Variants in ECE2 observed in about 807,000 individuals in gnomAD.
ECE2 encodes endothelin converting enzyme 2, also known as endothelin-converting enzyme 2.
A neutral mutation model predicts 100.6 loss-of-function variants in ECE2; 81 were observed. That is an observed-to-expected ratio of 0.81 (90% CI 0.67 to 0.97). ECE2 has a LOEUF of 0.97. Among genes scored for constraint, ECE2 ranks in the 50% least tolerant of loss-of-function variants. ECE2 has a pLI of 0.00. For synonymous variants in ECE2, 391 were observed against 391.5 expected (o/e 1.00, Z 0.02); for missense variants, 911 against 988.1 (o/e 0.92, Z 1.05).
At chr3:184,290,717 G>T (rs751904266) in intron 15 of ECE2, 50 bp downstream of exon 15, 4 of 1,612,750 alleles carry the variant, frequency 2.5e-6, no homozygotes, top group Middle Eastern at 1.7e-4. Context: ...GCCTGTGGTT[G>T]AGCTGGGAGC....
chr3:184,278,931 G>A, intron 7 of ECE2: 1 of 228,390 alleles, frequency 4.4e-6, no homozygotes, highest in Non-Finnish European at 8.7e-6. Flanking sequence ...GAGAGACTTA[G>A]GGAGCCAGCA....
chr3:184,287,658 A>G (rs1009216960), intron 10 of ECE2, among the ~76,000 whole-genome samples, 179 bp from the exon 11 acceptor site: 1 of 152,012 alleles, frequency 6.6e-6, no homozygotes, highest in Non-Finnish European at 1.5e-5. Flanking sequence ...TTGCACCACT[A>G]TACTCCAGCC....
intron 7 of ECE2, 94 bp from the exon 8 acceptor site, chr3:184,283,691 A>G: frequency 7.6e-7 from 1 of 1,321,442 alleles, no homozygotes; most frequent in Non-Finnish European, 1.0e-6. Context: ...AGGATCAAGC[A>G]GAAGAGATAT....
Position 184,277,385 on chromosome 3 carries a change from C to T in ECE2, c.397C>T (p.Pro133Ser), listed in dbSNP as rs775583566. 1.3e-5 allele frequency: 21 copies of T among 1,614,122 alleles called. No individual in the cohort carries two copies. Among genetic ancestry groups the T allele is most frequent in the Admixed American group, 3.3e-5 (2 of 60,010 alleles). The change falls in exon 4 of 19, where the codon CCC (proline) becomes TCC (serine). Residue 133 changes from proline to serine, a missense_variant. Physicochemically the swap from Pro to Ser is moderately conservative, Grantham distance 74 (BLOSUM62 -1). Transcript: ENST00000404464. ...FSCGGWIRRN[P>S]LPDGRSRWNT... ...CTGTGGGGGCTGGATTCGGAGGAACCCCCTGCCCGATGGGCGTTCTCGCTG... is the reference window on the plus strand; with the variant it reads ...CTGTGGGGGCTGGATTCGGAGGAACTCCCTGCCCGATGGGCGTTCTCGCTG...
rs1023936346 is a variant in ECE2 at position 184,289,643 on chromosome 3, A to G, written c.1476A>G (p.Ala492=). ...EKTRQAAKEK[A]DAIYDMIGFP... is the part of the protein sequence containing the mutation. ...AACCCTTAACCTGGTCTCTTCAGGC[A>G]GATGCCATCTATGATATGATTGGTT... The change falls in exon 13 of 19, where the codon GCA becomes GCG. Residue 492 remains alanine, a splice_region_variant and synonymous_variant. Transcript: ENST00000404464. The surrounding 1 kb of genome is among the most constrained non-coding windows in gnomAD (Gnocchi z 4.1). 2 of 1,613,552 alleles carry G rather than the reference A, an allele frequency of 1.2e-6. No homozygotes were observed. Among genetic ancestry groups the G allele is most frequent in the African/African-American group, 2.7e-5 (2 of 74,918 alleles).
rs1721131758 is a variant in ECE2 at position 184,287,943 on chromosome 3, A to G, written c.1370A>G (p.Glu457Gly). Residue 457 changes from glutamate (E) to glycine (G), a missense_variant, in exon 11 of 19, where the codon GAA becomes GGA. Transcript: ENST00000404464. ...GCCACGTTTGACCGGCAAAGCAAAGAAATTGTGAGTCTACAAGATTCTTTC... is the reference window on the plus strand; with the variant it reads ...GCCACGTTTGACCGGCAAAGCAAAGGAATTGTGAGTCTACAAGATTCTTTC... The part of the protein sequence containing the change: ...VKATFDRQSK[E>G]IAEGMISEIR... 4 of 1,613,846 alleles carry G rather than the reference A, an allele frequency of 2.5e-6. No individual in the cohort carries two copies. The highest frequency in any genetic ancestry group is 2.5e-6 in the Non-Finnish European group (3 of 1,179,760).
Position 184,285,590 on chromosome 3 carries a change from A to G in ECE2, c.1261A>G (p.Lys421Glu). 6.2e-7 allele frequency: 1 copy of G among 1,612,090 alleles called. No homozygotes were observed. Among genetic ancestry groups the G allele is most frequent in the Middle Eastern group, 1.6e-4 (1 of 6,062 alleles). Reference sequence around the variant, plus strand: ...GCTGGAGACCCTCTATGGCACTAAGAAGGTGGGCTTTCTGATTTTGCCTCC... The same window carrying G: ...GCTGGAGACCCTCTATGGCACTAAGGAGGTGGGCTTTCTGATTTTGCCTCC... ...KLLETLYGTK[K>E]SCVPRWQTCI... The change falls in exon 10 of 19, where the codon AAG (lysine) becomes GAG (glutamate). Residue 421 changes from lysine (K) to glutamate (E), a missense_variant and splice_region_variant. Lys to Glu is a moderately conservative substitution (Grantham distance 56). Coordinates refer to ENST00000404464, the MANE Select transcript of ECE2 (RefSeq NM_001100121.2).
chr3:184,286,796 TAAAAAAAAAAA>T lies in ECE2; in HGVS notation c.1264-1032_1264-1022del, dbSNP rs11449762. Among the ~76,000 whole-genome samples the T allele has an allele frequency of 3.3e-5, 4 of 121,942 alleles. No homozygotes were observed. The East Asian group carries it at 7.3e-4, about 22-fold the overall frequency. The allele number at this position is 121,942 out of a possible 152,430, so 80.0% of individuals were successfully genotyped here. A position where few individuals can be genotyped will look rare whatever the true frequency, so the allele number is the denominator to read the frequency against. On this transcript the variant is annotated intron_variant, in intron 10 of 18. Transcript: ENST00000404464. ...TGGGCTACAAGAGCAAAACTCTGTT[TAAAAAAAAAAA>T]AAAAAAAAGGCAATTGCAGACTGAG...
intron 6 of ECE2, 68 bp from the exon 7 acceptor site, chr3:184,278,424 C>T (rs1720668217): frequency 6.3e-7 from 1 of 1,595,836 alleles, no homozygotes; most frequent in Non-Finnish European, 8.5e-7. Context: ...ACCCCTACCC[C>T]CGCTCGGGAA....
rs867334814 is a variant in ECE2, at chr3:184,284,980, G to A, written c.1023G>A (p.Met341Ile). ...ISELQALAPS[M>I]DWLEFLSFLL... is the part of the protein sequence containing the mutation. ...TCTTTCAGGCTCTGGCGCCCTCCAT[G>A]GACTGGCTTGAGTTCCTGTCTTTCT... The change falls in exon 9 of 19, where the codon ATG (methionine) becomes ATA (isoleucine). Residue 341 changes from methionine to isoleucine, a missense_variant. By Grantham distance (10) the Met-to-Ile change is conservative. Transcript: ENST00000404464. The A allele has an allele frequency of 6.2e-7, 1 of 1,614,070 alleles. No homozygotes were observed. Among genetic ancestry groups the A allele is most frequent in the Non-Finnish European group, 8.5e-7 (1 of 1,179,980 alleles).
In ECE2 at chr3:184,285,228, A is replaced by C. The variant is rs948607131; in HGVS notation, c.1148+123A>C. The C allele has an allele frequency of 6.6e-5, 89 of 1,353,082 alleles. 1 individual carries two copies. The highest frequency in any genetic ancestry group is 8.3e-5 in the Non-Finnish European group (82 of 985,318). 83.8% of individuals were successfully genotyped at this position (1,353,082 alleles called of 1,614,324 possible). On this transcript the variant is annotated intron_variant, in intron 9 of 18. Transcript: ENST00000404464. Reference sequence around the variant, plus strand: ...ATGCTATGGGCCTTCCAAACATTGAATCAGAATGTCTATGGGCTTTTCCTC... The same window carrying C: ...ATGCTATGGGCCTTCCAAACATTGACTCAGAATGTCTATGGGCTTTTCCTC...
intron 10 of ECE2, among the ~76,000 whole-genome samples, chr3:184,286,171 G>A (rs1423674734): frequency 6.6e-6 from 1 of 152,094 alleles, no homozygotes; most frequent in Non-Finnish European, 1.5e-5. Flanking sequence ...AAGAAAGCCG[G>A]GGAGAAGGGC....
chr3:184,286,734 T>C (rs1186308872), intron 10 of ECE2, among the ~76,000 whole-genome samples: 1 of 147,562 alleles, frequency 6.8e-6, no homozygotes, highest in Non-Finnish European at 1.5e-5. Context: ...AACCTGGAGG[T>C]TGCAGTGACC....
intron 3 of ECE2, 52 bp downstream of exon 3, chr3:184,277,079 C>T: frequency 6.2e-7 from 1 of 1,610,520 alleles, no homozygotes; most frequent in South Asian, 1.1e-5. Flanking sequence ...GTTCTGGAGG[C>T]CTAAGGGCCT....
At position 184,276,531 on chromosome 3, in the gene ECE2, C is replaced by T. The variant is rs145062341; in HGVS notation, c.90C>T (p.Thr30=). Residue 30 remains threonine, a synonymous_variant, in exon 2 of 19, where the codon ACC becomes ACT. Transcript: ENST00000404464. The part of the protein sequence containing the change: ...ATLRDEDAPE[T]PVEGGASPDA... ...TTCGGGATGAAGACGCACCCGAGAC[C>T]CCCGTAGAGGGCGGGGCCTCCCCGG... 6.2e-6 allele frequency: 10 copies of T among 1,611,648 alleles called. No homozygotes were observed. The East Asian group carries it at 1.6e-4, about 25-fold the overall frequency.
chr3:184,284,936 G>C, intron 8 of ECE2, 27 bp from the exon 9 acceptor site: 1 of 1,608,826 alleles, frequency 6.2e-7, no homozygotes, highest in Non-Finnish European at 8.5e-7. Flanking sequence ...AGTCGGGCAG[G>C]CAAGGCCTGA....
Position 184,287,937 on chromosome 3 carries a change from G to A in ECE2, c.1364G>A (p.Ser455Asn). Residue 455 changes from serine to asparagine, a missense_variant, in exon 11 of 19, where the codon AGC (serine) becomes AAC (asparagine). Physicochemically the swap from Ser to Asn is conservative, Grantham distance 46. Coordinates refer to ENST00000404464, the MANE Select transcript of ECE2 (RefSeq NM_001100121.2). ...GTGAAGGCCACGTTTGACCGGCAAA[G>A]CAAAGAAATTGTGAGTCTACAAGAT... ...LFVKATFDRQ[S>N]KEIAEGMISE... The A allele has an allele frequency of 6.2e-7, 1 of 1,614,016 alleles. No individual in the cohort carries two copies. Among genetic ancestry groups the A allele is most frequent in the Non-Finnish European group, 8.5e-7 (1 of 1,179,900 alleles).
Position 184,285,017 on chromosome 3 carries a change from T to G in ECE2, c.1060T>G (p.Leu354Val). Residue 354 changes from leucine (L) to valine (V), a missense_variant, in exon 9 of 19, where the codon TTG becomes GTG. Physicochemically the swap from Leu to Val is conservative, Grantham distance 32. Coordinates refer to ENST00000404464, the MANE Select transcript of ECE2 (RefSeq NM_001100121.2). ...LEFLSFLLSP[L>V]ELSDSEPVVV... The stretch of plus-strand genomic sequence containing the variant: ...GTTCCTGTCTTTCTTGCTGTCACCA[T>G]TGGAGTTGAGTGACTCTGAGCCTGT... 1 of 1,614,156 alleles carries G rather than the reference T, an allele frequency of 6.2e-7. No homozygotes were observed. Among genetic ancestry groups the G allele is most frequent in the Non-Finnish European group, 8.5e-7 (1 of 1,180,014 alleles).
chr3:184,276,524 C>T lies in ECE2; in HGVS notation c.83C>T (p.Pro28Leu). 1 of 1,611,430 alleles carries T rather than the reference C, an allele frequency of 6.2e-7. No individual in the cohort carries two copies. The highest frequency in any genetic ancestry group is 8.5e-7 in the Non-Finnish European group (1 of 1,179,750). ...KRATLRDEDA[P>L]ETPVEGGASP... ...GCCACGCTTCGGGATGAAGACGCAC[C>T]CGAGACCCCCGTAGAGGGCGGGGCC... Residue 28 changes from proline (P) to leucine (L), a missense_variant, in exon 2 of 19, where the codon CCC becomes CTC. Pro to Leu is a moderately conservative substitution (Grantham distance 98). Coordinates refer to ENST00000404464, the MANE Select transcript of ECE2 (RefSeq NM_001100121.2).
Sources: allele counts gnomAD v4.1 joint callset (sites outside exome capture counted in the v4.1 genomes callset), GRCh38; gene constraint gnomAD v4.1.1; non-coding constraint Gnocchi (gnomAD v3.1); transcripts MANE v1.5; gene names NCBI Gene and HGNC (gene_info 2026-07-23, HGNC 2026-07-21).